MSI2: variants seen among roughly 807,000 people sequenced by gnomAD.
The protein encoded by MSI2 is RNA-binding protein Musashi homolog 2.
MSI2 carries 17 observed loss-of-function variants against 45.6 expected under a neutral mutation model. That is an observed-to-expected ratio of 0.37 (90% CI 0.26 to 0.56). The LOEUF (loss-of-function observed/expected upper bound fraction) is 0.56. MSI2 is among the 20% of genes least tolerant of loss of function. The pLI is 0.77. For missense variants in MSI2, 293 were observed against 444.2 expected, an observed-to-expected ratio of 0.66 and a Z score of 3.06; for synonymous variants, 156 against 158.2, an observed-to-expected ratio of 0.99 and a Z score of 0.11.
chr17:57,584,891 G>A (rs1051928760), intron 7 of MSI2, among the ~76,000 whole-genome samples: 5 of 151,844 alleles, frequency 3.3e-5, no homozygotes, highest in South Asian at 2.1e-4. Flanking sequence ...GCATGATCGC[G>A]GCTCACTGCA....
At chr17:57,317,784 G>A (rs1380811084) in intron 5 of MSI2, among the ~76,000 whole-genome samples, 1 of 152,222 alleles carries the variant, frequency 6.6e-6, no homozygotes, top group African/African-American at 2.4e-5. Flanking sequence ...CCAGGATAAT[G>A]TGTATTTGGG....
At chr17:57,393,545 G>A (rs1260621504) in intron 5 of MSI2, among the ~76,000 whole-genome samples, 1 of 152,138 alleles carries the variant, frequency 6.6e-6, no homozygotes, top group Non-Finnish European at 1.5e-5. Flanking sequence ...TATTTGGGTT[G>A]TTCTATTTTT....
At chr17:57,648,039 T>G (rs1910822449) in intron 10 of MSI2, among the ~76,000 whole-genome samples, 1 of 152,088 alleles carries the variant, frequency 6.6e-6, no homozygotes, top group African/African-American at 2.4e-5. Context: ...CTCGGCTCAC[T>G]GCAACCTCCA....
intron 6 of MSI2, among the ~76,000 whole-genome samples, chr17:57,425,587 A>G (rs1598255435): frequency 6.6e-6 from 1 of 152,280 alleles, no homozygotes; most frequent in East Asian, 1.9e-4. Context: ...TGTTGCCTTC[A>G]TTGTTTCTGT....
At chr17:57,605,022 T>C (rs1906393718) in intron 8 of MSI2, among the ~76,000 whole-genome samples, 1 of 152,144 alleles carries the variant, frequency 6.6e-6, no homozygotes, top group African/African-American at 2.4e-5. Context: ...ACAATCCTAT[T>C]TGTAGCATCA....
At chr17:57,600,407 T>A (rs1905734341) in intron 8 of MSI2, among the ~76,000 whole-genome samples, 1 of 152,226 alleles carries the variant, frequency 6.6e-6, no homozygotes, top group South Asian at 2.1e-4. Flanking sequence ...AGTACTTGAA[T>A]CTAGGTCTTC....
chr17:57,620,747 T>C (rs934292891), intron 9 of MSI2, among the ~76,000 whole-genome samples: 2 of 152,158 alleles, frequency 1.3e-5, no homozygotes, highest in Non-Finnish European at 2.9e-5. Context: ...CCCTCCTGAA[T>C]TTCCCAGTGA....
At chr17:57,297,216 A>C (rs1404597893) in intron 5 of MSI2, among the ~76,000 whole-genome samples, 1 of 148,172 alleles carries the variant, frequency 6.7e-6, no homozygotes, top group Middle Eastern at 3.2e-3. Flanking sequence ...TATATTTGTA[A>C]TATTGCTTTT....
intron 6 of MSI2, among the ~76,000 whole-genome samples, chr17:57,415,878 T>G (rs753910518): frequency 2.0e-4 from 30 of 152,118 alleles, no homozygotes; most frequent in Non-Finnish European, 5.9e-5. Context: ...GAGATCCTCC[T>G]AGATTTAACC....
chr17:57,562,051 T>A (rs1283636673), intron 7 of MSI2, among the ~76,000 whole-genome samples: 1 of 152,236 alleles, frequency 6.6e-6, no homozygotes, highest in Non-Finnish European at 1.5e-5. Flanking sequence ...CAGATGTGAT[T>A]GCTATAGATT....
rs149405986 is a variant in MSI2, at chr17:57,285,402, G to A, written c.312+23210G>A. On this transcript the variant is annotated intron_variant, in intron 5 of 13. Coordinates refer to ENST00000284073, the MANE Select transcript of MSI2 (RefSeq NM_138962.4). ...AAGGGGAAGTTTGCAGAGGGCCCTT[G>A]GCTGGGGGCTGGCTGCTGCTGAGGA... Among the ~76,000 whole-genome samples the A allele has an allele frequency of 1.5e-3, 228 of 152,314 alleles. 1 individual carries two copies. Among genetic ancestry groups the A allele is most frequent in the African/African-American group, 5.3e-3 (221 of 41,564 alleles).
intron 6 of MSI2, among the ~76,000 whole-genome samples, chr17:57,420,686 CA>C (rs2084378858): frequency 6.6e-6 from 1 of 152,204 alleles, no homozygotes; most frequent in Non-Finnish European, 1.5e-5. Flanking sequence ...AAGCTCCAAC[CA>C]CCCTCTTGGG....
chr17:57,481,823 T>A (rs2085654183), intron 6 of MSI2, among the ~76,000 whole-genome samples: 1 of 152,226 alleles, frequency 6.6e-6, no homozygotes, highest in Admixed American at 6.5e-5. Flanking sequence ...TATATGCTTA[T>A]TAGATTCTCA....
intron 11 of MSI2, among the ~76,000 whole-genome samples, chr17:57,669,664 G>A (rs1270461558): frequency 6.6e-6 from 1 of 152,212 alleles, no homozygotes; most frequent in Non-Finnish European, 1.5e-5. Context: ...GATTAACACA[G>A]CCTCTGCCCT....
chr17:57,674,790 GT>G (rs1913098689), intron 11 of MSI2, 181 bp from the exon 12 acceptor site: 1 of 833,834 alleles, frequency 1.2e-6, no homozygotes, highest in Non-Finnish European at 1.8e-6. Flanking sequence ...CCCTGCTGAT[GT>G]TTTCGCATGG....
intron 5 of MSI2, among the ~76,000 whole-genome samples, chr17:57,305,394 G>A (rs539109820): frequency 4.6e-5 from 7 of 152,140 alleles, no homozygotes; most frequent in Non-Finnish European, 8.8e-5. Flanking sequence ...ACACTCACCC[G>A]GAGCCAGTTG....
the MSI2 span, among the ~76,000 whole-genome samples, chr17:57,699,470 A>T: frequency 6.6e-6 from 1 of 151,864 alleles, no homozygotes; most frequent in Non-Finnish European, 1.5e-5. Context: ...TATTTTCTGA[A>T]TGTCTTGCGC....
chr17:57,303,176 G>A (rs892465942), intron 5 of MSI2, among the ~76,000 whole-genome samples: 2 of 152,186 alleles, frequency 1.3e-5, no homozygotes, highest in African/African-American at 2.4e-5. Flanking sequence ...CTTTGGCGGG[G>A]GCGGTCTGTT....
chr17:57,589,896 C>G (rs1192380738), intron 7 of MSI2, among the ~76,000 whole-genome samples: 1 of 152,208 alleles, frequency 6.6e-6, no homozygotes, highest in Non-Finnish European at 1.5e-5. Context: ...GCAGAGTTGC[C>G]TTGGGGACCA....
Sources: allele counts gnomAD v4.1 joint callset (sites outside exome capture counted in the v4.1 genomes callset), GRCh38; gene constraint gnomAD v4.1.1; transcripts MANE v1.5; gene names NCBI Gene and HGNC (gene_info 2026-07-23, HGNC 2026-07-21).